Variants in NFE2L3 observed in about 807,000 individuals in gnomAD.
NFE2L3 encodes NFE2 like bZIP transcription factor 3.
A neutral mutation model predicts 23.5 loss-of-function variants in NFE2L3; 18 were observed. The observed-to-expected ratio is 0.77, with a 90% confidence interval of 0.53 to 1.13. The LOEUF (loss-of-function observed/expected upper bound fraction) is 1.13. Ranked by LOEUF, NFE2L3 falls within the 50% of genes most tolerant of loss-of-function variation. NFE2L3 has a pLI of 0.00. For synonymous variants in NFE2L3, 424 were observed against 354.5 expected (o/e 1.20, Z -2.20); for missense variants, 1,152 against 877.2 (o/e 1.31, Z -3.96).
chr7:26,178,809 C>G (rs1176802496), intron 2 of NFE2L3, among the ~76,000 whole-genome samples: 2 of 152,112 alleles, frequency 1.3e-5, no homozygotes, highest in Admixed American at 6.5e-5. Context: ...AACAGGCACT[C>G]GAGATATTTA....
At chr7:26,166,029 A>C (rs181644029) in intron 1 of NFE2L3, among the ~76,000 whole-genome samples, 2 of 152,182 alleles carry the variant, frequency 1.3e-5, no homozygotes, top group East Asian at 3.9e-4. Context: ...TTGCATGATA[A>C]AGTAGTATTC....
intron 1 of NFE2L3, among the ~76,000 whole-genome samples, chr7:26,156,759 A>G (rs530882082): frequency 6.6e-6 from 1 of 152,298 alleles, no homozygotes; most frequent in South Asian, 2.1e-4. Flanking sequence ...CTATCCTGGT[A>G]CAGAGACCCT....
chr7:26,159,347 C>T (rs1008859882), intron 1 of NFE2L3, among the ~76,000 whole-genome samples: 8 of 152,222 alleles, frequency 5.3e-5, no homozygotes, highest in African/African-American at 1.9e-4. Flanking sequence ...TCAGCTCAAC[C>T]ATCACCTCAT....
intron 1 of NFE2L3, among the ~76,000 whole-genome samples, chr7:26,166,011 A>G (rs1437556170): frequency 6.6e-6 from 1 of 152,052 alleles, no homozygotes; most frequent in African/African-American, 2.4e-5. Flanking sequence ...CATTGTATCC[A>G]GCTGTTTTTG....
At position 26,177,965 on chromosome 7, in the gene NFE2L3, A is replaced by G; in HGVS notation, c.593A>G (p.Lys198Arg). Residue 198 changes from lysine (K) to arginine (R), a missense_variant, in exon 2 of 4, where the codon AAG becomes AGG. Lys to Arg is a conservative substitution (Grantham distance 26, BLOSUM62 2). Coordinates refer to ENST00000056233, the MANE Select transcript of NFE2L3 (RefSeq NM_004289.7). ...TAGGAGAATGGGGTACTAAGAGAAA[A>G]GCACGAAGCTGTGGATCATAGTTCC... ...ASEENGVLRE[K>R]HEAVDHSSQH... 6.2e-7 allele frequency: 1 copy of G among 1,612,462 alleles called. No homozygotes were observed. The highest frequency in any genetic ancestry group is 8.5e-7 in the Non-Finnish European group (1 of 1,179,582).
At chr7:26,161,141 G>T (rs1320230252) in intron 1 of NFE2L3, among the ~76,000 whole-genome samples, 1 of 152,156 alleles carries the variant, frequency 6.6e-6, no homozygotes, top group African/African-American at 2.4e-5. Flanking sequence ...TACTGGAAAT[G>T]GTTGAATGAA....
chr7:26,152,409 C>A lies in NFE2L3; in HGVS notation c.-90C>A. 1.1e-6 allele frequency: 1 copy of A among 945,330 alleles called. No individual in the cohort carries two copies. Among genetic ancestry groups the A allele is most frequent in the Non-Finnish European group, 1.3e-6 (1 of 743,266 alleles). The allele number at this position is 945,330 out of a possible 1,614,324, so 58.6% of individuals were successfully genotyped here. A position where few individuals can be genotyped will look rare whatever the true frequency, so the allele number is the denominator to read the frequency against. Reference sequence around the variant, plus strand: ...TATCTGGGTTCCAGGCAGGTGCGGGCGGCGCGCGGGGTCCGCACGTGTCAC... The same window carrying A: ...TATCTGGGTTCCAGGCAGGTGCGGGAGGCGCGCGGGGTCCGCACGTGTCAC... On this transcript the variant is annotated 5_prime_UTR_variant, in exon 1 of 4. Transcript: ENST00000056233. The surrounding 1 kb of genome is among the most constrained non-coding windows in gnomAD (Gnocchi z 4.4).
At chr7:26,180,820 A>C (rs1293080519) in intron 2 of NFE2L3, among the ~76,000 whole-genome samples, 1 of 152,238 alleles carries the variant, frequency 6.6e-6, no homozygotes, top group Non-Finnish European at 1.5e-5. Context: ...TAGGACAAAC[A>C]TCAATTTGGA....
rs140935790 is a variant in NFE2L3 at position 26,185,030 on chromosome 7, A to G, written c.1332A>G (p.Glu444=). 2.9e-5 allele frequency: 47 copies of G among 1,613,682 alleles called. No homozygotes were observed. The highest frequency in any genetic ancestry group is 3.8e-5 in the Non-Finnish European group (45 of 1,179,802). ...ATTCCTCTCACTCTGTGTGTGATGA[A>G]GGTGCTATAGGTTATTGCACTGACC... ...KSNSSHSVCD[E]GAIGYCTDHE... Residue 444 remains glutamate, a synonymous_variant, in exon 4 of 4, where the codon GAA becomes GAG. Coordinates refer to ENST00000056233, the MANE Select transcript of NFE2L3 (RefSeq NM_004289.7).
chr7:26,155,610 G>A (rs1562667933), intron 1 of NFE2L3, among the ~76,000 whole-genome samples: 2 of 152,146 alleles, frequency 1.3e-5, no homozygotes, highest in South Asian at 4.1e-4. Flanking sequence ...GGACATCTAG[G>A]ACGTCTCAGT....
intron 1 of NFE2L3, among the ~76,000 whole-genome samples, chr7:26,168,722 C>T (rs930272503): frequency 2.0e-5 from 3 of 152,008 alleles, no homozygotes; most frequent in African/African-American, 7.2e-5. Context: ...ACTTCATTTC[C>T]TCTGGGTAGA....
In NFE2L3 at chr7:26,187,119, CCT is replaced by C. The variant is rs1782507529; in HGVS notation, c.*1337_*1338del. 1 of 152,114 alleles carries C rather than the reference CCT, an allele frequency of 6.6e-6. No individual in the cohort carries two copies. The highest frequency in any genetic ancestry group is 1.5e-5 in the Non-Finnish European group (1 of 68,030). 9.4% of individuals were successfully genotyped at this position (152,114 alleles called of 1,614,324 possible). A position where few individuals can be genotyped will look rare whatever the true frequency, so the allele number is the denominator to read the frequency against. On this transcript the variant is annotated 3_prime_UTR_variant, in exon 4 of 4. Transcript: ENST00000056233. Reference sequence around the variant, plus strand: ...ATTTTTATAATAAAGTTTCCCAAGACCTGTTATTTTGCCAGAAATGCTTCTAG... The same window carrying C: ...ATTTTTATAATAAAGTTTCCCAAGACGTTATTTTGCCAGAAATGCTTCTAG...
intron 1 of NFE2L3, among the ~76,000 whole-genome samples, chr7:26,167,158 T>A (rs945016008): frequency 6.6e-6 from 1 of 152,218 alleles, no homozygotes; most frequent in African/African-American, 2.4e-5. Context: ...AAGACTCTTC[T>A]GCTCTGCTTC....
chr7:26,161,669 C>T (rs984418356), intron 1 of NFE2L3, among the ~76,000 whole-genome samples: 2 of 152,042 alleles, frequency 1.3e-5, no homozygotes, highest in African/African-American at 4.8e-5. Context: ...AAAAACTGGG[C>T]CAAAGTGACT....
chr7:26,167,430 GGTGC>G (rs1350748759), intron 1 of NFE2L3, among the ~76,000 whole-genome samples: 1 of 152,126 alleles, frequency 6.6e-6, no homozygotes, highest in Non-Finnish European at 1.5e-5. Flanking sequence ...CTTTCCAGCA[GGTGC>G]CAGTTCTGTA....
At chr7:26,166,073 G>A (rs1784246924) in intron 1 of NFE2L3, among the ~76,000 whole-genome samples, 1 of 150,706 alleles carries the variant, frequency 6.6e-6, no homozygotes, top group Non-Finnish European at 1.5e-5. Context: ...TTTGTATGCA[G>A]TCAGCTTCTG....
Position 26,160,290 on chromosome 7 carries a change from CA to C in NFE2L3, c.570+7223del, listed in dbSNP as rs529363025. On this transcript the variant is annotated intron_variant, in intron 1 of 3. Coordinates refer to ENST00000056233, the MANE Select transcript of NFE2L3 (RefSeq NM_004289.7). Reference sequence around the variant, plus strand: ...GTTAATATTCAAATACAATTCCAGGCAGCTGAAGCCTGCCTAGGCTGAGGTA... The same window carrying C: ...GTTAATATTCAAATACAATTCCAGGCGCTGAAGCCTGCCTAGGCTGAGGTA... Among the ~76,000 whole-genome samples, 5 of 152,240 alleles carry C rather than the reference CA, an allele frequency of 3.3e-5. No homozygotes were observed. In the East Asian group the frequency reaches 9.6e-4, roughly 29 times the overall value.
intron 2 of NFE2L3, among the ~76,000 whole-genome samples, chr7:26,179,847 C>T (rs753320318): frequency 1.1e-4 from 16 of 152,220 alleles, no homozygotes; most frequent in South Asian, 8.3e-4. Flanking sequence ...CTTGACCACG[C>T]GATACATTTA....
chr7:26,184,891 CCACAGAAGA>C lies in NFE2L3; in HGVS notation c.1196_1204del (p.Thr399_Asp401del), dbSNP rs1238362322. 1 of 1,613,814 alleles carries C rather than the reference CCACAGAAGA, an allele frequency of 6.2e-7. No homozygotes were observed. The highest frequency in any genetic ancestry group is 1.3e-5 in the African/African-American group (1 of 74,914). Reference sequence around the variant, plus strand: ...GATGAGATAAACTTAATGTCATTGGCCACAGAAGACAACTTTGATCCAATCGATGTTTCT... The same window carrying C: ...GATGAGATAAACTTAATGTCATTGGCCAACTTTGATCCAATCGATGTTTCT... On this transcript the variant is annotated inframe_deletion, in exon 4 of 4. Coordinates refer to ENST00000056233, the MANE Select transcript of NFE2L3 (RefSeq NM_004289.7).
Sources: allele counts gnomAD v4.1 joint callset (sites outside exome capture counted in the v4.1 genomes callset), GRCh38; gene constraint gnomAD v4.1.1; non-coding constraint Gnocchi (gnomAD v3.1); transcripts MANE v1.5; gene names NCBI Gene and HGNC (gene_info 2026-07-23, HGNC 2026-07-21).